GRID1: variants seen among roughly 807,000 people sequenced by gnomAD.
The protein encoded by GRID1 is glutamate receptor ionotropic, delta-1.
GRID1 carries 28 observed loss-of-function variants against 98.0 expected under a neutral mutation model. The observed-to-expected ratio is 0.29, with a 90% CI of 0.21 to 0.39. The LOEUF (loss-of-function observed/expected upper bound fraction) is 0.39, where lower values mean the gene tolerates loss of function less well. Among genes scored for constraint, GRID1 ranks in the 10% least tolerant of loss-of-function variants. The pLI, the probability that GRID1 is intolerant of heterozygous loss-of-function variation, is 1.00. For missense variants in GRID1, 1,111 were observed against 1,340.5 expected (o/e 0.83, Z 2.67); for synonymous variants, 553 against 538.5 (o/e 1.03, Z -0.37).
intron 8 of GRID1, among the ~76,000 whole-genome samples, chr10:85,760,158 T>C (rs1032030016): frequency 2.6e-5 from 4 of 152,202 alleles, no homozygotes; most frequent in Non-Finnish European, 4.4e-5. Context: ...ACAGGAAACT[T>C]GCAGTCAGAC....
chr10:85,870,198 G>T (rs987773179), intron 5 of GRID1, among the ~76,000 whole-genome samples: 7 of 152,242 alleles, frequency 4.6e-5, no homozygotes, highest in Non-Finnish European at 1.0e-4. Context: ...GGCAGAAGAA[G>T]CTGGAAAGAG....
chr10:86,088,909 T>C (rs1357848847), intron 4 of GRID1, among the ~76,000 whole-genome samples: 1 of 147,038 alleles, frequency 6.8e-6, no homozygotes, highest in Non-Finnish European at 1.5e-5. Flanking sequence ...AAAAAAAAAA[T>C]GCTATCAACA....
intron 4 of GRID1, among the ~76,000 whole-genome samples, chr10:85,969,661 G>T (rs1842382409): frequency 6.6e-6 from 1 of 152,032 alleles, no homozygotes; most frequent in Non-Finnish European, 1.5e-5. Context: ...AAAACATACA[G>T]AATATCAAAA....
intron 8 of GRID1, among the ~76,000 whole-genome samples, chr10:85,802,620 A>T (rs552815650): frequency 8.5e-5 from 13 of 152,164 alleles, no homozygotes; most frequent in African/African-American, 3.1e-4. Context: ...AAAAAAATTA[A>T]ATTTTAATAG....
intron 2 of GRID1, among the ~76,000 whole-genome samples, chr10:86,294,999 C>T (rs1398361204): frequency 6.6e-6 from 1 of 152,158 alleles, no homozygotes; most frequent in African/African-American, 2.4e-5. Context: ...GATTGGGCCA[C>T]TGGACCAAGC....
intron 4 of GRID1, among the ~76,000 whole-genome samples, chr10:86,086,948 T>C (rs1844068130): frequency 6.6e-6 from 1 of 152,210 alleles, no homozygotes. Flanking sequence ...AATTGCAAAC[T>C]CAAGAGCTGT....
At position 85,910,393 on chromosome 10, in the gene GRID1, A is replaced by T. The variant is rs911222894; in HGVS notation, c.780+5793T>A. On this transcript the variant is annotated intron_variant, in intron 5 of 15. Coordinates refer to ENST00000327946, the MANE Select transcript of GRID1 (RefSeq NM_017551.3). ...CTCCCACATTATATATGTGGTGCAT[A>T]ATCTTATTTTCATTTGTTTTACCTT... 3.9e-5 allele frequency among the ~76,000 whole-genome samples: 6 copies of T among 152,166 alleles called. No individual in the cohort carries two copies. The South Asian group carries it at 1.2e-3, about 32-fold the overall frequency.
chr10:86,020,573 A>C (rs1051321855), intron 4 of GRID1, among the ~76,000 whole-genome samples: 6 of 151,708 alleles, frequency 4.0e-5, no homozygotes, highest in African/African-American at 1.4e-4. Context: ...AAATGGAGTC[A>C]AGAGTGTGGA....
intron 12 of GRID1, among the ~76,000 whole-genome samples, chr10:85,673,470 T>A (rs906984844): frequency 6.6e-6 from 1 of 152,158 alleles, no homozygotes; most frequent in Non-Finnish European, 1.5e-5. Context: ...TCAATTGATG[T>A]GGCAAGTTTC....
At chr10:86,292,654 G>A (rs1847531669) in intron 2 of GRID1, among the ~76,000 whole-genome samples, 1 of 152,162 alleles carries the variant, frequency 6.6e-6, no homozygotes, top group Non-Finnish European at 1.5e-5. Context: ...GTGTGTGCAT[G>A]TGAATGTGAG....
chr10:86,350,715 A>C (rs2132116340), intron 2 of GRID1, among the ~76,000 whole-genome samples: 1 of 152,198 alleles, frequency 6.6e-6, no homozygotes. Context: ...ATTTCAATAC[A>C]TGCGTACAAT....
At chr10:85,996,100 C>T (rs1842736166) in intron 4 of GRID1, among the ~76,000 whole-genome samples, 1 of 152,134 alleles carries the variant, frequency 6.6e-6, no homozygotes, top group African/African-American at 2.4e-5. Context: ...ACTTAACCTG[C>T]TAAAACAAAA....
At chr10:86,073,107 T>G (rs1475257535) in intron 4 of GRID1, among the ~76,000 whole-genome samples, 2 of 152,220 alleles carry the variant, frequency 1.3e-5, no homozygotes, top group African/African-American at 4.8e-5. Context: ...AAATCTTTGT[T>G]TGTTGAAGGG....
intron 4 of GRID1, among the ~76,000 whole-genome samples, chr10:85,933,285 T>A (rs1382235011): frequency 2.5e-5 from 3 of 120,438 alleles, no homozygotes; most frequent in African/African-American, 7.0e-5. Flanking sequence ...CTCTGTTCTT[T>A]AAAAAAAAAA....
intron 4 of GRID1, among the ~76,000 whole-genome samples, chr10:86,099,984 G>T (rs545343599): frequency 5.1e-4 from 78 of 152,196 alleles, no homozygotes; most frequent in Non-Finnish European, 1.0e-3. Flanking sequence ...CCTCAGGGAT[G>T]CTGGTGCAGG....
At chr10:86,323,446 C>T (rs1232627971) in intron 2 of GRID1, among the ~76,000 whole-genome samples, 2 of 152,232 alleles carry the variant, frequency 1.3e-5, no homozygotes, top group African/African-American at 4.8e-5. Context: ...CTCCAAAGAG[C>T]TTAGGAGAGA....
intron 12 of GRID1, among the ~76,000 whole-genome samples, chr10:85,674,363 G>A (rs540902227): frequency 2.6e-5 from 4 of 152,238 alleles, no homozygotes; most frequent in East Asian, 1.9e-4. Context: ...GAAGAAATCC[G>A]ATGAATAAGA....
chr10:85,718,834 T>C (rs1841669011), intron 12 of GRID1, among the ~76,000 whole-genome samples: 1 of 152,254 alleles, frequency 6.6e-6, no homozygotes. Flanking sequence ...GTAGGCTCCT[T>C]GCTACTTGTG....
chr10:85,722,533 C>A (rs776985272), intron 12 of GRID1, among the ~76,000 whole-genome samples: 46 of 151,834 alleles, frequency 3.0e-4, no homozygotes, highest in Non-Finnish European at 6.0e-4. Flanking sequence ...GTCTTGGTTT[C>A]AATAATTTTA....
Sources: gnomAD v4.1 joint callset for allele counts (sites outside exome capture counted in the v4.1 genomes callset) on GRCh38, gnomAD v4.1.1 for gene constraint, MANE v1.5 for transcripts, NCBI Gene and HGNC (gene_info 2026-07-23, HGNC 2026-07-21) for gene names.